FMN1: variants seen among roughly 807,000 people sequenced by gnomAD.
FMN1 encodes the protein formin 1, also known as formin-1.
A neutral mutation model predicts 132.4 loss-of-function variants in FMN1; 110 were observed. The observed-to-expected ratio is 0.83, with a 90% CI of 0.71 to 0.97. The LOEUF is 0.97. Among genes scored for constraint, FMN1 ranks in the 50% least tolerant of loss-of-function variants. FMN1 has a pLI of 0.00. For missense variants in FMN1, 1,792 were observed against 1,705.3 expected (o/e 1.05, Z -0.90); for synonymous variants, 722 against 651.7 (o/e 1.11, Z -1.64).
intron 5 of FMN1, among the ~76,000 whole-genome samples, chr15:33,065,355 A>C (rs939970952): frequency 2.6e-5 from 4 of 152,222 alleles, no homozygotes; most frequent in Admixed American, 6.5e-5. Context: ...TAATTATTTG[A>C]AAAAGCACAA....
At chr15:32,804,423 A>AAAG (rs1567194214) in intron 17 of FMN1, 91 bp from the exon 18 acceptor site, 49 of 155,204 alleles carry the variant, frequency 3.2e-4, no homozygotes, top group Non-Finnish European at 3.0e-4. Context: ...TCATTACCAC[A>AAAG]GGAGGTCTGA....
At chr15:33,093,425 AAGTGCTT>A (rs1206643373) in intron 4 of FMN1, among the ~76,000 whole-genome samples, 2 of 152,182 alleles carry the variant, frequency 1.3e-5, no homozygotes, top group Admixed American at 6.5e-5. Flanking sequence ...TGACACTGCT[AAGTGCTT>A]GTGGAGTGGA....
intron 17 of FMN1, among the ~76,000 whole-genome samples, chr15:32,827,450 C>T (rs1247065252): frequency 2.0e-5 from 3 of 152,182 alleles, no homozygotes; most frequent in Admixed American, 6.5e-5. Flanking sequence ...AAAATCATAA[C>T]ATATAAGAAA....
chr15:32,872,042 T>C (rs1356619795), intron 16 of FMN1, among the ~76,000 whole-genome samples: 1 of 138,500 alleles, frequency 7.2e-6, no homozygotes, highest in African/African-American at 3.1e-5. Flanking sequence ...AAGTAGCTCT[T>C]TTTTTTTTTT....
Position 32,910,455 on chromosome 15 carries a change from G to C in FMN1, c.3288+19C>G, listed in dbSNP as rs777385664. The C allele has an allele frequency of 1.3e-6, 2 of 1,547,578 alleles. No individual in the cohort carries two copies. The highest frequency in any genetic ancestry group is 1.9e-5 in the Admixed American group (1 of 52,886). ...AGATAAATATGGAAATACTAGCTCT[G>C]TAAGTCTTTGACACTCACGTTTTCA... On this transcript the variant is annotated intron_variant, in intron 11 of 20. Coordinates refer to ENST00000616417, the MANE Select transcript of FMN1 (RefSeq NM_001277313.2).
intron 10 of FMN1, among the ~76,000 whole-genome samples, chr15:32,917,821 GC>G (rs2060720978): frequency 6.6e-6 from 1 of 152,030 alleles, no homozygotes; most frequent in Admixed American, 6.6e-5. Flanking sequence ...CCCACAAAAG[GC>G]TACAAAGAAA....
chr15:32,909,042 A>C (rs1332829938), intron 11 of FMN1, among the ~76,000 whole-genome samples: 1 of 152,084 alleles, frequency 6.6e-6, no homozygotes, highest in African/African-American at 2.4e-5. Context: ...TTTCGTAAGC[A>C]CTCATTGTCT....
intron 17 of FMN1, among the ~76,000 whole-genome samples, chr15:32,809,633 A>C (rs2057804272): frequency 6.6e-6 from 1 of 151,244 alleles, no homozygotes; most frequent in Non-Finnish European, 1.5e-5. Context: ...CCCTTCTCCT[A>C]CCCTTCTGTT....
chr15:33,073,152 G>A (rs1259501589), intron 5 of FMN1, among the ~76,000 whole-genome samples: 3 of 152,080 alleles, frequency 2.0e-5, no homozygotes, highest in Admixed American at 1.3e-4. Flanking sequence ...AGCACTTCTC[G>A]CTATTACTCA....
intron 5 of FMN1, among the ~76,000 whole-genome samples, chr15:33,069,989 TTC>T (rs1218032593): frequency 0.068 from 7,302 of 106,906 alleles, 928 homozygotes; most frequent in East Asian, 0.49. Flanking sequence ...AGATCAGTCT[TTC>T]TCTTTTTTTT....
chr15:32,947,495 G>A (rs778392788), intron 9 of FMN1, among the ~76,000 whole-genome samples: 1 of 151,830 alleles, frequency 6.6e-6, no homozygotes, highest in Non-Finnish European at 1.5e-5. Context: ...TTTTGGAGTT[G>A]TTTTTTGAAC....
intron 7 of FMN1, among the ~76,000 whole-genome samples, chr15:32,979,492 CTTGTAGTGAGCGGAGA>C (rs1218797380): frequency 1.4e-5 from 2 of 138,746 alleles, no homozygotes; most frequent in African/African-American, 5.5e-5. Context: ...GGAGGCGGAG[CTTGTAGTGAGCGGAGA>C]TTGTGCCATT....
intron 4 of FMN1, among the ~76,000 whole-genome samples, chr15:33,128,765 G>C (rs567444028): frequency 1.3e-5 from 2 of 152,332 alleles, no homozygotes; most frequent in Admixed American, 6.5e-5. Context: ...GCCCTTAAAA[G>C]TGGTATGGAC....
chr15:32,953,293 T>C lies in FMN1; in HGVS notation c.3138+10814A>G, dbSNP rs28487938. ...ATGATTTCTTCTCATACTGTCTTTG[T>C]AAATTGACCATGGCTAACCTTGCTG... On this transcript the variant is annotated intron_variant, in intron 9 of 20. Coordinates refer to ENST00000616417, the MANE Select transcript of FMN1 (RefSeq NM_001277313.2). 9.2e-3 allele frequency among the ~76,000 whole-genome samples: 1,406 copies of C among 152,304 alleles called. 22 individuals carry two copies. Among genetic ancestry groups the C allele is most frequent in the African/African-American group, 0.032 (1,334 of 41,558 alleles).
chr15:32,959,123 G>A (rs561449071), intron 9 of FMN1, among the ~76,000 whole-genome samples: 1 of 150,944 alleles, frequency 6.6e-6, no homozygotes, highest in South Asian at 2.1e-4. Flanking sequence ...TCAGAATTCT[G>A]GATTTTGAAA....
chr15:32,772,906 G>C lies in FMN1; in HGVS notation c.*1404C>G, dbSNP rs1036129604. 6.6e-6 allele frequency: 1 copy of C among 152,584 alleles called. No individual in the cohort carries two copies. The highest frequency in any genetic ancestry group is 2.4e-5 in the African/African-American group (1 of 41,462). 9.5% of individuals were successfully genotyped at this position (152,584 alleles called of 1,614,324 possible). On this transcript the variant is annotated 3_prime_UTR_variant, in exon 21 of 21. Transcript: ENST00000616417. ...TGGAAAGATGCTGGGGCAAGGGGCA[G>C]GCCACATGTGGAGGCTGGATCAGGA... is the stretch of plus-strand genomic sequence containing the variant.
intron 4 of FMN1, among the ~76,000 whole-genome samples, chr15:33,121,696 T>C (rs963143128): frequency 6.6e-6 from 1 of 152,100 alleles, no homozygotes; most frequent in Admixed American, 6.5e-5. Flanking sequence ...GCCCAGCTTC[T>C]TTTTGTATGT....
intron 19 of FMN1, among the ~76,000 whole-genome samples, chr15:32,796,215 A>C (rs2057286782): frequency 6.6e-6 from 1 of 152,264 alleles, no homozygotes; most frequent in African/African-American, 2.4e-5. Context: ...CCAGTGGCCT[A>C]AGTAGTTTTC....
intron 4 of FMN1, among the ~76,000 whole-genome samples, chr15:33,146,605 C>G (rs1469524598): frequency 6.6e-6 from 1 of 152,112 alleles, no homozygotes; most frequent in African/African-American, 2.4e-5. Context: ...CCAGAACATG[C>G]CATGATAGGA....
Sources: allele counts gnomAD v4.1 joint callset (sites outside exome capture counted in the v4.1 genomes callset), GRCh38; gene constraint gnomAD v4.1.1; transcripts MANE v1.5; gene names NCBI Gene and HGNC (gene_info 2026-07-23, HGNC 2026-07-21).